The following SOCS7 variants were observed in gnomAD, a reference collection of about 807,000 sequenced individuals.
The protein encoded by SOCS7 is suppressor of cytokine signaling 7.
A neutral mutation model predicts 58.9 loss-of-function variants in SOCS7; 18 were observed. The observed-to-expected ratio is 0.31, with a 90% CI of 0.21 to 0.45. The LOEUF is 0.45. SOCS7 is among the 20% of genes least tolerant of loss of function. The probability of loss-of-function intolerance (pLI) is 1.00; values close to 1 mark genes in which losing one functional copy is unlikely to be tolerated. For synonymous variants in SOCS7, 388 were observed against 364.3 expected (o/e 1.06, Z -0.74); for missense variants, 667 against 837.3 (o/e 0.80, Z 2.51).
rs2038232548 is a variant in SOCS7, at chr17:38,395,421, C to T, written c.1794C>T (p.His598=). The change falls in exon 8 of 10, where the codon CAC becomes CAT. Residue 598 remains histidine, a synonymous_variant. Transcript: ENST00000612932. ...TACGACAGCTCGTCAGGATAGATCA[C>T]ATCCCAGATCTCCCACTGCCTAAGT... ...FRIRQLVRID[H]IPDLPLPKPL... 1 of 1,614,020 alleles carries T rather than the reference C, an allele frequency of 6.2e-7. No individual in the cohort carries two copies. The highest frequency in any genetic ancestry group is 1.3e-5 in the African/African-American group (1 of 74,932).
rs1396986898 is a variant in SOCS7 at position 38,364,850 on chromosome 17, C to T, written c.1144C>T (p.Leu382Phe). The T allele has an allele frequency of 1.9e-6, 3 of 1,612,318 alleles. No homozygotes were observed. The highest frequency in any genetic ancestry group is 2.5e-6 in the Non-Finnish European group (3 of 1,178,488). Residue 382 changes from leucine to phenylalanine, a missense_variant, in exon 3 of 10, where the codon CTC becomes TTC. This residue lies in a region of SOCS7 where 99 missense variants were observed against 122.9 expected (regional missense o/e 0.81). Transcript: ENST00000612932. ...PPPPPRRSLS[L>F]LDDISGTLPT... The stretch of plus-strand genomic sequence containing the variant: ...TCCTCCTCCGAGAAGAAGCCTCAGC[C>T]TCCTAGGTATAGTTTCTTCCCCTCT...
At chr17:38,386,548 C>T (rs2038070422) in intron 7 of SOCS7, among the ~76,000 whole-genome samples, 1 of 151,948 alleles carries the variant, frequency 6.6e-6, no homozygotes, top group Non-Finnish European at 1.5e-5. Context: ...CACATGATGT[C>T]TGGTTGTGTC....
chr17:38,352,341 T>C lies in SOCS7; in HGVS notation c.289T>C (p.Cys97Arg), dbSNP rs762825736. Residue 97 changes from cysteine (C) to arginine (R), a missense_variant, in exon 1 of 10, where the codon TGT becomes CGT. Coordinates refer to ENST00000612932, the MANE Select transcript of SOCS7 (RefSeq NM_014598.4). This position sits in a 1 kb window ranked among gnomAD's most constrained non-coding sequence, Gnocchi z 5.5. Reference sequence around the variant, plus strand: ...GGAACTGCTGTGTCCCCGGCACCGCTGTGCCCTGGACCCCAAGGCCCTGCC... The same window carrying C: ...GGAACTGCTGTGTCCCCGGCACCGCCGTGCCCTGGACCCCAAGGCCCTGCC... The part of the protein sequence containing the change: ...PSELLCPRHR[C>R]ALDPKALPPG... The C allele has an allele frequency of 3.4e-6, 5 of 1,481,760 alleles. No individual in the cohort carries two copies. The highest frequency in any genetic ancestry group is 2.9e-5 in the African/African-American group (2 of 68,028). 91.8% of individuals were successfully genotyped at this position (1,481,760 alleles called of 1,614,324 possible).
intron 6 of SOCS7, 59 bp downstream of exon 6, chr17:38,368,109 C>A: frequency 6.8e-7 from 1 of 1,468,860 alleles, no homozygotes; most frequent in Non-Finnish European, 9.2e-7. Context: ...CCTTTGCTGT[C>A]TGACTTTTTT....
At chr17:38,379,466 C>T (rs2037974345) in intron 7 of SOCS7, among the ~76,000 whole-genome samples, 1 of 151,988 alleles carries the variant, frequency 6.6e-6, no homozygotes, top group South Asian at 2.1e-4. Flanking sequence ...GCGACAGAGC[C>T]AGACTCTTTC....
rs765145698 is a variant in SOCS7, at chr17:38,366,316, G to A, written c.1282G>A (p.Ala428Thr). 13 of 1,614,138 alleles carry A rather than the reference G, an allele frequency of 8.1e-6. No individual in the cohort carries two copies. Among genetic ancestry groups the A allele is most frequent in the Non-Finnish European group, 1.0e-5 (12 of 1,180,012 alleles). The change falls in exon 5 of 10, where the codon GCA (alanine) becomes ACA (threonine). Residue 428 changes from alanine (A) to threonine (T), a missense_variant. Transcript: ENST00000612932. ...ATTTCCCCGGATTGCTCCCATCCGA[G>A]CAGCTGAATCCCTGCACAGCCAACC... ...DAFPRIAPIR[A>T]AESLHSQPPQ...
chr17:38,399,266 T>A lies in SOCS7; in HGVS notation c.*31-247T>A, dbSNP rs180884665. ...GAAAGAGAGAATTTATGCAATGTGG[T>A]AGGATGTATTTATTAGTTATTTCAG... On this transcript the variant is annotated intron_variant, in intron 9 of 9. Transcript: ENST00000612932. Among the ~76,000 whole-genome samples, 108 of 152,108 alleles carry A rather than the reference T, an allele frequency of 7.1e-4. 1 individual carries two copies. Among genetic ancestry groups the A allele is most frequent in the Non-Finnish European group, 5.1e-4 (35 of 67,976 alleles).
chr17:38,381,946 C>CAAAAAAAAAA, intron 7 of SOCS7, among the ~76,000 whole-genome samples: 1 of 17,670 alleles, frequency 5.7e-5, no homozygotes, highest in Non-Finnish European at 1.1e-4. Flanking sequence ...GACTCTGTCT[C>CAAAAAAAAAA]AAAAAAAAAA....
At chr17:38,389,021 A>G (rs918265394) in intron 7 of SOCS7, among the ~76,000 whole-genome samples, 7 of 152,184 alleles carry the variant, frequency 4.6e-5, no homozygotes, top group Non-Finnish European at 7.3e-5. Context: ...GCTGGGTCAT[A>G]TGGTAATCCC....
intron 2 of SOCS7, among the ~76,000 whole-genome samples, chr17:38,364,011 A>G (rs1206874275): frequency 6.6e-6 from 1 of 152,202 alleles, no homozygotes; most frequent in Non-Finnish European, 1.5e-5. Flanking sequence ...AGTATTGTAT[A>G]TGGCAGGGAA....
intron 7 of SOCS7, among the ~76,000 whole-genome samples, chr17:38,391,062 G>T (rs1172279603): frequency 6.6e-6 from 1 of 151,864 alleles, no homozygotes; most frequent in Non-Finnish European, 1.5e-5. Context: ...ATTTGTTTTT[G>T]ATCCTATTGT....
chr17:38,352,835 C>G lies in SOCS7; in HGVS notation c.783C>G (p.Pro261=), dbSNP rs767381471. The change falls in exon 1 of 10, where the codon CCC becomes CCG. Residue 261 remains proline (P), a synonymous_variant. Coordinates refer to ENST00000612932, the MANE Select transcript of SOCS7 (RefSeq NM_014598.4). This position sits in a 1 kb window ranked among gnomAD's most constrained non-coding sequence, Gnocchi z 5.5. ...QPPPPPPPPG[P]LRPLAGPSRK... ...CCCCGCCCCCGCCTCCTCCCGGGCC[C>G]CTCCGGCCACTCGCGGGTCCTTCTC... is the stretch of plus-strand genomic sequence containing the variant. 3.7e-4 allele frequency: 576 copies of G among 1,570,104 alleles called. 1 individual carries two copies. Among genetic ancestry groups the G allele is most frequent in the Non-Finnish European group, 2.1e-4 (243 of 1,158,058 alleles).
intron 7 of SOCS7, among the ~76,000 whole-genome samples, chr17:38,391,162 T>C (rs2038168871): frequency 6.6e-6 from 1 of 152,200 alleles, no homozygotes; most frequent in East Asian, 1.9e-4. Flanking sequence ...TGTTATATCC[T>C]GTAAACTTGC....
chr17:38,395,298 C>CT lies in SOCS7; in HGVS notation c.1682-8dup. Reference sequence around the variant, plus strand: ...TCCTCTGAATACTTTCCTTTGTTTTCTTTCTTGAAGGACTGCCACCAACTC... The same window carrying CT: ...TCCTCTGAATACTTTCCTTTGTTTTCTTTTCTTGAAGGACTGCCACCAACTC... On this transcript the variant is annotated splice_polypyrimidine_tract_variant and intron_variant, in intron 7 of 9. Coordinates refer to ENST00000612932, the MANE Select transcript of SOCS7 (RefSeq NM_014598.4). 6.2e-7 allele frequency: 1 copy of CT among 1,612,846 alleles called. No individual in the cohort carries two copies. Among genetic ancestry groups the CT allele is most frequent in the Non-Finnish European group, 8.5e-7 (1 of 1,179,108 alleles).
intron 1 of SOCS7, among the ~76,000 whole-genome samples, chr17:38,360,073 G>A (rs768530199): frequency 1.5e-4 from 23 of 151,568 alleles, no homozygotes; most frequent in Middle Eastern, 3.4e-3. Flanking sequence ...CCATCGCACC[G>A]GGCCTGAGGT....
chr17:38,368,506 C>CA (rs1317348950), intron 6 of SOCS7, among the ~76,000 whole-genome samples: 8 of 145,818 alleles, frequency 5.5e-5, no homozygotes, highest in Non-Finnish European at 1.2e-4. Flanking sequence ...GAATTTCTTT[C>CA]TTTTTTTTTT....
chr17:38,363,239 C>A (rs2037743976), intron 2 of SOCS7, among the ~76,000 whole-genome samples: 1 of 152,226 alleles, frequency 6.6e-6, no homozygotes, highest in Admixed American at 6.5e-5. Context: ...TCAGGAAATA[C>A]ACTTGTCTGG....
At chr17:38,358,200 C>T (rs1174056106) in intron 1 of SOCS7, among the ~76,000 whole-genome samples, 2 of 152,162 alleles carry the variant, frequency 1.3e-5, no homozygotes, top group Admixed American at 6.5e-5. Flanking sequence ...AAGTGGTCTA[C>T]TGGCAAAGTT....
intron 1 of SOCS7, among the ~76,000 whole-genome samples, chr17:38,360,355 C>A (rs2037700270): frequency 6.6e-6 from 1 of 151,412 alleles, no homozygotes; most frequent in Non-Finnish European, 1.5e-5. Context: ...TGCCACCATG[C>A]CCAGCTAATT....
Sources: gnomAD v4.1 joint callset for allele counts (sites outside exome capture counted in the v4.1 genomes callset) on GRCh38, gnomAD v4.1.1 for gene constraint, gnomAD v4.1.1 regional missense constraint, Gnocchi (gnomAD v3.1) non-coding constraint, MANE v1.5 for transcripts, NCBI Gene and HGNC (gene_info 2026-07-23, HGNC 2026-07-21) for gene names.